Variants in BRK1 observed in about 807,000 individuals in gnomAD.
The protein encoded by BRK1 is protein BRICK1.
A neutral mutation model predicts 9.9 loss-of-function variants in BRK1; 6 were observed. The observed-to-expected ratio is 0.60, with a 90% CI of 0.33 to 1.19. The LOEUF (loss-of-function observed/expected upper bound fraction) is 1.19. Ranked by LOEUF, BRK1 falls within the 50% of genes most tolerant of loss-of-function variation. The pLI, the probability that BRK1 is intolerant of heterozygous loss-of-function variation, is 0.04. For missense variants in BRK1, 62 were observed against 97.5 expected (o/e 0.64, Z 1.53); for synonymous variants, 44 against 31.9 (o/e 1.38, Z -1.28).
At chr3:10,123,438 C>T (rs1575907832) in intron 1 of BRK1, among the ~76,000 whole-genome samples, 4 of 136,010 alleles carry the variant, frequency 2.9e-5, no homozygotes, top group African/African-American at 8.5e-5. Context: ...ACTTTCTTTC[C>T]TTTTTTTTTT....
Position 10,115,706 on chromosome 3 carries a change from C to G in BRK1, c.5C>G (p.Ala2Gly). 3 of 1,613,488 alleles carry G rather than the reference C, an allele frequency of 1.9e-6. No individual in the cohort carries two copies. The highest frequency in any genetic ancestry group is 2.5e-6 in the Non-Finnish European group (3 of 1,179,494). ...GCTCTTCCTCAGGCGGCGGCCATGG[C>G]GGGACAGGAGGATCCGGTGCAGCGG... Reference protein sequence around the residue: MAGQEDPVQREI... With the variant: MGGQEDPVQREI... Residue 2 changes from alanine (A) to glycine (G), a missense_variant, in exon 1 of 3, where the codon GCG becomes GGG. Ala to Gly is a moderately conservative substitution (Grantham distance 60, BLOSUM62 0). Coordinates refer to ENST00000530758, the MANE Select transcript of BRK1 (RefSeq NM_018462.5).
chr3:10,118,529 C>T (rs1475653694), intron 1 of BRK1, among the ~76,000 whole-genome samples: 1 of 151,928 alleles, frequency 6.6e-6, no homozygotes, highest in South Asian at 2.1e-4. Flanking sequence ...ATTCTGTCAC[C>T]TAGGCTGAAG....
At chr3:10,124,892 C>T (rs956838905) in intron 1 of BRK1, among the ~76,000 whole-genome samples, 2 of 152,142 alleles carry the variant, frequency 1.3e-5, no homozygotes, top group Non-Finnish European at 2.9e-5. Flanking sequence ...AGATTGCATC[C>T]CCTTCACACT....
At chr3:10,119,547 G>A (rs1035114254) in intron 1 of BRK1, among the ~76,000 whole-genome samples, 10 of 152,168 alleles carry the variant, frequency 6.6e-5, no homozygotes, top group Non-Finnish European at 1.0e-4. Context: ...CAGAGAATCT[G>A]CATGGGCCAT....
Position 10,124,094 on chromosome 3 carries a change from CTTAG to C in BRK1, c.119-1527_119-1524del, listed in dbSNP as rs113810616. 0.16 allele frequency among the ~76,000 whole-genome samples: 24,721 copies of C among 151,732 alleles called. 2,543 individuals are homozygous for C. The highest frequency in any genetic ancestry group is 0.29 in the African/African-American group (11,976 of 41,274). Reference sequence around the variant, plus strand: ...TTGCCATGTCCCCTCTCTTGAAAGTCTTAGTTAGGCCATTAGTAAATGGCTGTAC... The same window carrying C: ...TTGCCATGTCCCCTCTCTTGAAAGTCTTAGGCCATTAGTAAATGGCTGTAC... On this transcript the variant is annotated intron_variant, in intron 1 of 2. Coordinates refer to ENST00000530758, the MANE Select transcript of BRK1 (RefSeq NM_018462.5).
At chr3:10,115,939 T>C in intron 1 of BRK1, 120 bp downstream of exon 1, 3 of 763,964 alleles carry the variant, frequency 3.9e-6, no homozygotes, top group Non-Finnish European at 6.8e-6. Context: ...GGTTTTCACT[T>C]CCTCCTTCAG....
At position 10,119,368 on chromosome 3, in the gene BRK1, G is replaced by T. The variant is rs150433022; in HGVS notation, c.118+3549G>T. 4.4e-3 allele frequency among the ~76,000 whole-genome samples: 673 copies of T among 152,162 alleles called. 1 individual carries two copies. Among genetic ancestry groups the T allele is most frequent in the African/African-American group, 0.015 (632 of 41,526 alleles). ...AGCTACCTGGGAGGCTGAGGCATGA[G>T]AATCACTTGAACCCTGGAGGCAAAG... On this transcript the variant is annotated intron_variant, in intron 1 of 2. Coordinates refer to ENST00000530758, the MANE Select transcript of BRK1 (RefSeq NM_018462.5).
intron 1 of BRK1, among the ~76,000 whole-genome samples, chr3:10,117,287 A>G (rs557714418): frequency 3.3e-5 from 5 of 152,190 alleles, no homozygotes; most frequent in African/African-American, 1.2e-4. Context: ...TTCTTGCTTT[A>G]TAGGCAAGGA....
intron 1 of BRK1, among the ~76,000 whole-genome samples, chr3:10,116,340 G>A (rs1030909353): frequency 2.6e-5 from 4 of 152,114 alleles, no homozygotes; most frequent in Admixed American, 1.3e-4. Flanking sequence ...TGTGTCTGCT[G>A]CGGTGAGAGT....
intron 1 of BRK1, among the ~76,000 whole-genome samples, chr3:10,123,732 C>T (rs1292385841): frequency 5.3e-4 from 26 of 48,676 alleles, no homozygotes; most frequent in East Asian, 1.7e-3. Context: ...CGTGCCTGGC[C>T]TTTTTTTTTT....
chr3:10,117,371 T>A (rs1227409007), intron 1 of BRK1, among the ~76,000 whole-genome samples: 6 of 151,902 alleles, frequency 3.9e-5, no homozygotes. Context: ...GTAAAGACTT[T>A]ATTTGGGCTT....
chr3:10,118,090 C>T (rs530537331), intron 1 of BRK1, among the ~76,000 whole-genome samples: 14 of 151,908 alleles, frequency 9.2e-5, no homozygotes, highest in Non-Finnish European at 1.5e-4. Context: ...CCTGTCTCTA[C>T]TAAAAATACA....
chr3:10,125,028 G>A (rs908402793), intron 1 of BRK1, among the ~76,000 whole-genome samples: 37 of 152,098 alleles, frequency 2.4e-4, no homozygotes, highest in African/African-American at 7.2e-4. Flanking sequence ...AGGATCTCAA[G>A]GTTCTTAACC....
chr3:10,117,517 C>G (rs1485561836), intron 1 of BRK1, among the ~76,000 whole-genome samples: 2 of 151,634 alleles, frequency 1.3e-5, no homozygotes, highest in Non-Finnish European at 2.9e-5. Flanking sequence ...CCCCCGCCTC[C>G]TGAGTAGCTA....
chr3:10,122,660 G>A (rs78706390), intron 1 of BRK1, among the ~76,000 whole-genome samples: 4,777 of 152,194 alleles, frequency 0.031, 88 homozygotes, highest in Non-Finnish European at 0.048. Flanking sequence ...GTTGGAGGGT[G>A]CAGTAAGCTA....
chr3:10,122,015 G>T (rs1199003374), intron 1 of BRK1, among the ~76,000 whole-genome samples: 1 of 151,016 alleles, frequency 6.6e-6, no homozygotes, highest in Non-Finnish European at 1.5e-5. Context: ...TCAGCCTCCA[G>T]AGTAGCTGGG....
rs1695853422 is a variant in BRK1 at position 10,127,149 on chromosome 3, A to C, written c.*854A>C. On this transcript the variant is annotated 3_prime_UTR_variant, in exon 3 of 3. Coordinates refer to ENST00000530758, the MANE Select transcript of BRK1 (RefSeq NM_018462.5). The stretch of plus-strand genomic sequence containing the variant: ...CACATTTACCAAGTATTTACTATGT[A>C]GGCATGTTAAACTCCAATAAAACAT... 6.6e-6 allele frequency: 1 copy of C among 152,248 alleles called. No individual in the cohort carries two copies. The allele number at this position is 152,248 out of a possible 1,614,324, so 9.4% of individuals were successfully genotyped here. A position where few individuals can be genotyped will look rare whatever the true frequency, so the allele number is the denominator to read the frequency against.
chr3:10,126,242 A>C, intron 2 of BRK1, 27 bp from the exon 3 acceptor site: 1 of 1,499,212 alleles, frequency 6.7e-7, no homozygotes, highest in Non-Finnish European at 8.9e-7. Flanking sequence ...AATTTATCTA[A>C]ATGTCAGTTT....
chr3:10,120,005 T>C (rs1013982057), intron 1 of BRK1, among the ~76,000 whole-genome samples: 1 of 151,766 alleles, frequency 6.6e-6, no homozygotes, highest in Non-Finnish European at 1.5e-5. Flanking sequence ...AAGACTTAAC[T>C]ACAAAAACAT....
Sources: gnomAD v4.1 joint callset for allele counts (sites outside exome capture counted in the v4.1 genomes callset) on GRCh38, gnomAD v4.1.1 for gene constraint, MANE v1.5 for transcripts, NCBI Gene and HGNC (gene_info 2026-07-23, HGNC 2026-07-21) for gene names.